Variants in TEX14 observed in about 807,000 individuals in gnomAD.
The protein encoded by TEX14 is testis expressed 14, intercellular bridge forming factor, also known as inactive serine/threonine-protein kinase TEX14.
TEX14 carries 168 observed loss-of-function variants against 178.6 expected under a neutral mutation model. That is an observed-to-expected ratio of 0.94 (90% CI 0.83 to 1.07). The LOEUF (loss-of-function observed/expected upper bound fraction) is 1.07. Ranked by LOEUF, TEX14 falls within the 50% of genes least tolerant of loss-of-function variation. The pLI, the probability that TEX14 is intolerant of heterozygous loss-of-function variation, is 0.00. For missense variants in TEX14, 1,730 were observed against 1,753.6 expected, an observed-to-expected ratio of 0.99 and a Z score of 0.24; for synonymous variants, 626 against 634.1, an observed-to-expected ratio of 0.99 and a Z score of 0.19.
chr17:58,584,657 G>C (rs1419153465), intron 18 of TEX14, 57 bp from the exon 19 acceptor site: 9 of 1,366,936 alleles, frequency 6.6e-6, no homozygotes, highest in South Asian at 4.6e-5. Flanking sequence ...AGACAACATG[G>C]AAGAGGATAA....
At chr17:58,676,327 G>C (rs776027575) in intron 1 of TEX14, among the ~76,000 whole-genome samples, 4 of 151,726 alleles carry the variant, frequency 2.6e-5, no homozygotes, top group Non-Finnish European at 4.4e-5. Context: ...AGTAAGCCAA[G>C]ATCACAGCAT....
Position 58,569,138 on chromosome 17 carries a change from C to G in TEX14, c.3886+54G>C. 1.4e-6 allele frequency: 2 copies of G among 1,402,024 alleles called. No individual in the cohort carries two copies. Among genetic ancestry groups the G allele is most frequent in the South Asian group, 1.2e-5 (1 of 85,336 alleles). 86.8% of individuals were successfully genotyped at this position (1,402,024 alleles called of 1,614,324 possible). A position where few individuals can be genotyped will look rare whatever the true frequency, so the allele number is the denominator to read the frequency against. On this transcript the variant is annotated intron_variant, in intron 26 of 31. Transcript: ENST00000349033. This position sits in a 1 kb window ranked among gnomAD's most constrained non-coding sequence, Gnocchi z 4.1. ...TGAGACAAAGACACCATACTGTGGTCAGTGACATAACTAACAGGGCCGAGA... is the reference window on the plus strand; with the variant it reads ...TGAGACAAAGACACCATACTGTGGTGAGTGACATAACTAACAGGGCCGAGA...
chr17:58,557,347 T>A (rs1009334429), intron 31 of TEX14, among the ~76,000 whole-genome samples: 1 of 151,932 alleles, frequency 6.6e-6, no homozygotes, highest in Non-Finnish European at 1.5e-5. Flanking sequence ...CTCGGCTCAC[T>A]GCAACCTCTG....
intron 9 of TEX14, among the ~76,000 whole-genome samples, chr17:58,612,586 TTGGC>T (rs2045771903): frequency 6.6e-6 from 1 of 151,162 alleles, no homozygotes; most frequent in African/African-American, 2.4e-5. Context: ...AATACAAAAA[TTGGC>T]TGGGTGTGGT....
At chr17:58,653,464 G>T (rs935335910) in intron 1 of TEX14, among the ~76,000 whole-genome samples, 1 of 152,040 alleles carries the variant, frequency 6.6e-6, no homozygotes, top group Non-Finnish European at 1.5e-5. Flanking sequence ...TTAAAAACTC[G>T]ATCCCCAATA....
intron 1 of TEX14, among the ~76,000 whole-genome samples, chr17:58,655,809 C>A (rs957974323): frequency 6.6e-6 from 1 of 152,148 alleles, no homozygotes; most frequent in African/African-American, 2.4e-5. Flanking sequence ...ACCTTAGGCG[C>A]ATAAGCTGGC....
intron 1 of TEX14, among the ~76,000 whole-genome samples, chr17:58,687,441 C>T (rs567916959): frequency 1.3e-5 from 2 of 152,132 alleles, no homozygotes; most frequent in East Asian, 1.9e-4. Context: ...TAGGTCCGTG[C>T]GGGTTACAGA....
In TEX14 at chr17:58,675,141, C is replaced by T. The variant is rs1391461294; in HGVS notation, c.-2+16798G>A. On this transcript the variant is annotated intron_variant, in intron 1 of 31. Coordinates refer to ENST00000349033, the MANE Select transcript of TEX14 (RefSeq NM_031272.5). ...AGCCTGGATGACACAGGGAAACCATCTCCAAAAAAAAAAAAAGATGCAAAT... is the reference window on the plus strand; with the variant it reads ...AGCCTGGATGACACAGGGAAACCATTTCCAAAAAAAAAAAAAGATGCAAAT... 4.7e-5 allele frequency: 7 copies of T among 149,646 alleles called. No homozygotes were observed. In the East Asian group the frequency reaches 1.4e-3, roughly 29 times the overall value. The allele number at this position is 149,646 out of a possible 1,614,324, so 9.3% of individuals were successfully genotyped here.
In TEX14 at chr17:58,618,702, G is replaced by A. The variant is rs1490400102; in HGVS notation, c.555-1083C>T. ...GGCCAGCCCTACCTCAGGTCTGTGA[G>A]GCCCCACATGCCACTATTAGAGAAC... On this transcript the variant is annotated intron_variant, in intron 5 of 31. Transcript: ENST00000349033. Among the ~76,000 whole-genome samples, 3 of 152,228 alleles carry A rather than the reference G, an allele frequency of 2.0e-5. No homozygotes were observed. In the East Asian group the frequency reaches 5.8e-4, roughly 29 times the overall value.
chr17:58,658,679 C>T (rs548866902), intron 1 of TEX14, among the ~76,000 whole-genome samples: 59 of 152,194 alleles, frequency 3.9e-4, no homozygotes, highest in African/African-American at 1.4e-3. Flanking sequence ...GCTTTAGCCA[C>T]CCTCAGCAAT....
At chr17:58,674,174 G>A (rs2047351141) in intron 1 of TEX14, among the ~76,000 whole-genome samples, 1 of 151,900 alleles carries the variant, frequency 6.6e-6, no homozygotes, top group Admixed American at 6.6e-5. Flanking sequence ...TACTCGGGAG[G>A]CTAAGGCAGG....
intron 3 of TEX14, 126 bp from the exon 4 acceptor site, chr17:58,623,138 C>A: frequency 4.1e-6 from 3 of 735,068 alleles, no homozygotes; most frequent in Non-Finnish European, 6.4e-6. Context: ...AATATAACAA[C>A]ATCATTTGTG....
Position 58,565,748 on chromosome 17 carries a change from A to G in TEX14, c.3963T>C (p.Asn1321=), listed in dbSNP as rs34818467. The G allele has an allele frequency of 0.2, 318,679 of 1,603,110 alleles. 33,832 individuals carry two copies. Among genetic ancestry groups the G allele is most frequent in the Non-Finnish European group, 0.21 (252,158 of 1,173,324 alleles). Residue 1321 remains asparagine (N), a splice_region_variant and synonymous_variant, in exon 27 of 32, where the codon AAT becomes AAC. Transcript: ENST00000349033. ...AAACAATCTAGGTAGTTCACTTACC[A>G]TTTGCAGTGCCTCCTCCATCACTTG... ...NTASDGGGTA[N]DQRHLEEQET... is the part of the protein sequence containing the mutation.
chr17:58,608,951 G>C (rs184085380), intron 10 of TEX14, among the ~76,000 whole-genome samples: 2 of 152,182 alleles, frequency 1.3e-5, no homozygotes, highest in Non-Finnish European at 2.9e-5. Context: ...AAATGGGTCT[G>C]GACTTAATCT....
intron 21 of TEX14, among the ~76,000 whole-genome samples, chr17:58,575,207 T>C (rs1378371347): frequency 6.6e-6 from 1 of 151,344 alleles, no homozygotes; most frequent in Non-Finnish European, 1.5e-5. Context: ...CTTCGCCTCC[T>C]GGGTTCAAGT....
chr17:58,679,672 T>C (rs973045626), intron 1 of TEX14: 5 of 152,206 alleles, frequency 3.3e-5, no homozygotes, highest in Admixed American at 1.3e-4. Context: ...TCATGTTATT[T>C]CCCTTGCCAG....
In TEX14 at chr17:58,611,212, A is replaced by G. The variant is rs766128010; in HGVS notation, c.1133T>C (p.Ile378Thr). The G allele has an allele frequency of 1.9e-6, 3 of 1,614,002 alleles. No individual in the cohort carries two copies. Among genetic ancestry groups the G allele is most frequent in the East Asian group, 2.2e-5 (1 of 44,874 alleles). ...CAGCCTCGCTTCACCTGGGGAGATG[A>G]TATGGACAGCATAGGAGCTGAGGGA... is the stretch of plus-strand genomic sequence containing the variant. Reference protein sequence around the residue: ...HRSLSSYAVHIISPGEARLTN... With the variant: ...HRSLSSYAVHTISPGEARLTN... Residue 378 changes from isoleucine (I) to threonine (T), a missense_variant, in exon 10 of 32, where the codon ATC (isoleucine) becomes ACC (threonine). Coordinates refer to ENST00000349033, the MANE Select transcript of TEX14 (RefSeq NM_031272.5).
At chr17:58,612,385 T>G (rs1405130442) in intron 9 of TEX14, among the ~76,000 whole-genome samples, 1 of 152,080 alleles carries the variant, frequency 6.6e-6, no homozygotes, top group East Asian at 1.9e-4. Context: ...AGCCAGGAGT[T>G]CAAGACCAGC....
intron 2 of TEX14, among the ~76,000 whole-genome samples, chr17:58,648,758 T>G (rs1471035200): frequency 1.3e-5 from 2 of 151,878 alleles, no homozygotes; most frequent in African/African-American, 4.8e-5. Flanking sequence ...AGCCACAGCC[T>G]TCTAATCCTG....
Sources: gnomAD v4.1 joint callset for allele counts (sites outside exome capture counted in the v4.1 genomes callset) on GRCh38, gnomAD v4.1.1 for gene constraint, Gnocchi (gnomAD v3.1) non-coding constraint, MANE v1.5 for transcripts, NCBI Gene and HGNC (gene_info 2026-07-23, HGNC 2026-07-21) for gene names.